Variants in ANKIB1 observed in about 807,000 individuals in gnomAD.
ANKIB1 encodes the protein ankyrin repeat and IBR domain containing 1, also known as ankyrin repeat and IBR domain-containing protein 1.
ANKIB1 carries 43 observed loss-of-function variants against 122.1 expected under a neutral mutation model. That is an observed-to-expected ratio of 0.35 (90% CI 0.28 to 0.45). The LOEUF is 0.45. Ranked by LOEUF, ANKIB1 falls within the 20% of genes least tolerant of loss-of-function variation. The pLI, the probability that ANKIB1 is intolerant of heterozygous loss-of-function variation, is 1.00. For synonymous variants in ANKIB1, 390 were observed against 442.0 expected, an observed-to-expected ratio of 0.88 and a Z score of 1.48; for missense variants, 992 against 1,329.5, an observed-to-expected ratio of 0.75 and a Z score of 3.95.
intron 1 of ANKIB1, among the ~76,000 whole-genome samples, chr7:92,258,939 G>GT (rs970044142): frequency 1.5e-4 from 23 of 151,520 alleles, no homozygotes; most frequent in African/African-American, 4.1e-4. Context: ...GTTTTTTGGA[G>GT]TTTTTTTTGT....
intron 1 of ANKIB1, among the ~76,000 whole-genome samples, chr7:92,270,637 C>T (rs1585080738): frequency 6.6e-6 from 1 of 151,708 alleles, no homozygotes; most frequent in African/African-American, 2.4e-5. Flanking sequence ...TCTGTCACCC[C>T]AAGAAAACTC....
chr7:92,270,104 C>G (rs1407687279), intron 1 of ANKIB1, among the ~76,000 whole-genome samples: 2 of 151,976 alleles, frequency 1.3e-5, no homozygotes, highest in Admixed American at 6.6e-5. Flanking sequence ...CTGTTGTCAC[C>G]CAAGCTGGAG....
At chr7:92,289,094 C>G (rs1562771966) in intron 1 of ANKIB1, among the ~76,000 whole-genome samples, 1 of 152,070 alleles carries the variant, frequency 6.6e-6, no homozygotes, top group Non-Finnish European at 1.5e-5. Flanking sequence ...AATAATTGCC[C>G]CAGCTGGAAA....
chr7:92,296,237 A>G (rs977758305), intron 2 of ANKIB1, among the ~76,000 whole-genome samples: 1 of 150,842 alleles, frequency 6.6e-6, no homozygotes, highest in East Asian at 1.9e-4. Context: ...TTTTTTTTTT[A>G]ATAGAAACGG....
At chr7:92,372,946 TATA>T (rs1804306950) in intron 11 of ANKIB1, among the ~76,000 whole-genome samples, 1 of 152,074 alleles carries the variant, frequency 6.6e-6, no homozygotes, top group Non-Finnish European at 1.5e-5. Context: ...TCCAGTAAAA[TATA>T]ATAATATCTT....
At chr7:92,300,080 C>G (rs1802431594) in intron 2 of ANKIB1, among the ~76,000 whole-genome samples, 1 of 152,034 alleles carries the variant, frequency 6.6e-6, no homozygotes, top group Non-Finnish European at 1.5e-5. Context: ...AGTGTGGGGA[C>G]TTACAGGCAT....
chr7:92,282,283 A>G (rs1746168933), intron 1 of ANKIB1, among the ~76,000 whole-genome samples: 1 of 151,790 alleles, frequency 6.6e-6, no homozygotes, highest in Non-Finnish European at 1.5e-5. Context: ...CCTCCCAAGT[A>G]GCTGGCATTA....
At chr7:92,313,244 G>A (rs748441581) in intron 3 of ANKIB1, among the ~76,000 whole-genome samples, 5 of 152,132 alleles carry the variant, frequency 3.3e-5, no homozygotes, top group African/African-American at 7.2e-5. Flanking sequence ...AAAACCAAAG[G>A]TGGTAAGTCA....
At chr7:92,340,574 T>TA (rs929311378) in intron 5 of ANKIB1, among the ~76,000 whole-genome samples, 4 of 152,308 alleles carry the variant, frequency 2.6e-5, no homozygotes, top group African/African-American at 4.8e-5. Flanking sequence ...CTAGGAGACT[T>TA]ACATGTAAAT....
chr7:92,328,236 T>C (rs1032022657), intron 5 of ANKIB1, among the ~76,000 whole-genome samples: 1 of 152,208 alleles, frequency 6.6e-6, no homozygotes, highest in Non-Finnish European at 1.5e-5. Flanking sequence ...GGTTTTGACA[T>C]TAATTTTTGC....
At chr7:92,251,469 A>G (rs117733150) in intron 1 of ANKIB1, among the ~76,000 whole-genome samples, 7 of 152,326 alleles carry the variant, frequency 4.6e-5, no homozygotes, top group Non-Finnish European at 8.8e-5. Context: ...TAGATGTTCT[A>G]TATCACATCT....
intron 5 of ANKIB1, among the ~76,000 whole-genome samples, chr7:92,340,565 T>C (rs1350292538): frequency 3.3e-5 from 5 of 152,190 alleles, no homozygotes; most frequent in African/African-American, 1.2e-4. Flanking sequence ...TCAATTTGTC[T>C]AGGAGACTTA....
chr7:92,250,671 G>A (rs1181009141), intron 1 of ANKIB1, among the ~76,000 whole-genome samples: 1 of 152,158 alleles, frequency 6.6e-6, no homozygotes, highest in Non-Finnish European at 1.5e-5. Context: ...TGGCAACTAA[G>A]GGCCTTGGAG....
chr7:92,364,615 CTTAAGG>C (rs1353538729), intron 10 of ANKIB1, among the ~76,000 whole-genome samples: 2 of 152,204 alleles, frequency 1.3e-5, no homozygotes, highest in East Asian at 1.9e-4. Flanking sequence ...TTCTTTAGAA[CTTAAGG>C]TTAAGGTCCA....
chr7:92,266,293 A>G (rs1257355323), intron 1 of ANKIB1, among the ~76,000 whole-genome samples: 1 of 152,210 alleles, frequency 6.6e-6, no homozygotes, highest in Non-Finnish European at 1.5e-5. Context: ...AGAAACCACA[A>G]AGTAATTGAA....
At chr7:92,384,092 A>G (rs907457737) in intron 11 of ANKIB1, among the ~76,000 whole-genome samples, 8 of 152,200 alleles carry the variant, frequency 5.3e-5, no homozygotes, top group Admixed American at 2.0e-4. Context: ...TTAAACACCA[A>G]TAACAGACAA....
In ANKIB1 at chr7:92,360,745, A is replaced by T. The variant is rs537562364; in HGVS notation, c.1398-1440A>T. Among the ~76,000 whole-genome samples the T allele has an allele frequency of 2.0e-5, 3 of 152,334 alleles. No homozygotes were observed. In the South Asian group the frequency reaches 6.2e-4, roughly 32 times the overall value. On this transcript the variant is annotated intron_variant, in intron 9 of 19. Coordinates refer to ENST00000265742, the MANE Select transcript of ANKIB1 (RefSeq NM_019004.2). ...CTTTGCACATCCACACCAACAATTT[A>T]TGTTTTTTAATAATCACCATTTTAA... is the stretch of plus-strand genomic sequence containing the variant.
At chr7:92,301,866 G>GCT (rs796946253) in intron 2 of ANKIB1, among the ~76,000 whole-genome samples, 29 of 152,134 alleles carry the variant, frequency 1.9e-4, no homozygotes, top group African/African-American at 6.5e-4. Flanking sequence ...ACTTTCTCAT[G>GCT]CTGCCTCATA....
At chr7:92,281,883 A>G (rs1434210896) in intron 1 of ANKIB1, among the ~76,000 whole-genome samples, 1 of 152,202 alleles carries the variant, frequency 6.6e-6, no homozygotes, top group Admixed American at 6.5e-5. Context: ...AACTTGTACT[A>G]ATTTTATATG....
Sources: allele counts gnomAD v4.1 joint callset (sites outside exome capture counted in the v4.1 genomes callset), GRCh38; gene constraint gnomAD v4.1.1; transcripts MANE v1.5; gene names NCBI Gene and HGNC (gene_info 2026-07-23, HGNC 2026-07-21).